The following RNF125 variants were observed in gnomAD, a reference collection of about 807,000 sequenced individuals.
RNF125 encodes ring finger protein 125.
A neutral mutation model predicts 26.0 loss-of-function variants in RNF125; 21 were observed. The ratio of observed to expected loss-of-function variants is 0.81; its 90% CI spans 0.57 to 1.16. The LOEUF is 1.16. Among genes scored for constraint, RNF125 ranks in the 50% most tolerant of loss-of-function variants. The probability of loss-of-function intolerance (pLI) is 0.00; values close to 1 mark genes in which losing one functional copy is unlikely to be tolerated. For missense variants in RNF125, 270 were observed against 299.4 expected (o/e 0.90, Z 0.72); for synonymous variants, 95 against 109.2 (o/e 0.87, Z 0.81).
intron 4 of RNF125, among the ~76,000 whole-genome samples, chr18:32,052,480 G>A (rs569900366): frequency 3.8e-4 from 46 of 121,912 alleles, no homozygotes; most frequent in African/African-American, 1.3e-3. Context: ...GTGACAGAGC[G>A]AGACTCCATC....
chr18:32,050,466 C>T (rs769642881), intron 4 of RNF125, among the ~76,000 whole-genome samples: 3 of 152,198 alleles, frequency 2.0e-5, no homozygotes, highest in Admixed American at 6.6e-5. Context: ...TACAGGTGTG[C>T]ACCTTCACAA....
chr18:32,051,615 T>TAAAA (rs71177836), intron 4 of RNF125, among the ~76,000 whole-genome samples: 1 of 78,976 alleles, frequency 1.3e-5, no homozygotes, highest in Non-Finnish European at 2.3e-5. Flanking sequence ...GACTCAGTCT[T>TAAAA]AAAAAAAAAA....
At chr18:32,044,220 T>C (rs2039246686) in intron 3 of RNF125, among the ~76,000 whole-genome samples, 1 of 152,158 alleles carries the variant, frequency 6.6e-6, no homozygotes, top group African/African-American at 2.4e-5. Context: ...TTGGCCAGGC[T>C]GGTCTTGAAC....
At chr18:32,048,995 C>T (rs1414423358) in intron 4 of RNF125, among the ~76,000 whole-genome samples, 1 of 152,230 alleles carries the variant, frequency 6.6e-6, no homozygotes, top group Non-Finnish European at 1.5e-5. Context: ...CAGGGTGCTG[C>T]TTTGGCTGGA....
chr18:32,087,918 C>T, the RNF125 span, among the ~76,000 whole-genome samples: 17 of 152,162 alleles, frequency 1.1e-4, no homozygotes, highest in Admixed American at 3.3e-4. Context: ...CGAAGATCCA[C>T]CTGTCTTGCT....
intron 4 of RNF125, among the ~76,000 whole-genome samples, chr18:32,061,812 A>G (rs2039437505): frequency 6.6e-6 from 1 of 152,234 alleles, no homozygotes; most frequent in African/African-American, 2.4e-5. Context: ...CTTAAGTGAT[A>G]ATAATGGCAG....
rs373273059 is a variant in RNF125, at chr18:32,046,000, C to T, written c.504+268C>T. On this transcript the variant is annotated intron_variant, in intron 4 of 5. Coordinates refer to ENST00000217740, the MANE Select transcript of RNF125 (RefSeq NM_017831.4). ...ATCAACTAAAATGATCCAAAATGCA[C>T]AGTTAAGATCTAAGTTTACCAGCTG... Among the ~76,000 whole-genome samples, 69 of 151,994 alleles carry T rather than the reference C, an allele frequency of 4.5e-4. No homozygotes were observed. In the South Asian group the frequency reaches 0.013, roughly 28 times the overall value.
intron 4 of RNF125, among the ~76,000 whole-genome samples, chr18:32,060,787 T>A (rs2039427217): frequency 6.6e-6 from 1 of 152,224 alleles, no homozygotes; most frequent in South Asian, 2.1e-4. Context: ...CCCATTGTTT[T>A]GCAATGTCGT....
Position 32,018,856 on chromosome 18 carries a change from G to T in RNF125, c.-8G>T. 6.4e-7 allele frequency: 1 copy of T among 1,561,466 alleles called. No individual in the cohort carries two copies. The stretch of plus-strand genomic sequence containing the variant: ...TGCTTCGCAGCTGTCTGGGCGAGAG[G>T]CACAGCGATGGGCTCCGTGCTGAGC... On this transcript the variant is annotated 5_prime_UTR_variant, in exon 1 of 6. Coordinates refer to ENST00000217740, the MANE Select transcript of RNF125 (RefSeq NM_017831.4).
chr18:32,082,593 C>T, the RNF125 span, among the ~76,000 whole-genome samples: 2 of 152,146 alleles, frequency 1.3e-5, no homozygotes, highest in African/African-American at 2.4e-5. Flanking sequence ...GGATATACAT[C>T]GCCCCCAGAG....
At chr18:32,075,556 G>A (rs564627002), downstream of RNF125, among the ~76,000 whole-genome samples, 1 of 152,094 alleles carries the variant, frequency 6.6e-6, no homozygotes, top group East Asian at 1.9e-4. Context: ...AGCTGGGCTT[G>A]GTGGTGCATG....
At chr18:32,048,644 C>G (rs1362003645) in intron 4 of RNF125, among the ~76,000 whole-genome samples, 3 of 152,126 alleles carry the variant, frequency 2.0e-5, no homozygotes, top group African/African-American at 7.2e-5. Flanking sequence ...GTGTGGGAAA[C>G]CCCTGTGGTC....
At chr18:32,051,202 C>T (rs1006686335) in intron 4 of RNF125, among the ~76,000 whole-genome samples, 3 of 152,108 alleles carry the variant, frequency 2.0e-5, no homozygotes, top group Non-Finnish European at 4.4e-5. Flanking sequence ...GTCTGTCTCT[C>T]CCTCTAATTT....
intron 4 of RNF125, among the ~76,000 whole-genome samples, chr18:32,057,777 G>T (rs897181737): frequency 1.3e-5 from 2 of 152,074 alleles, no homozygotes; most frequent in African/African-American, 4.8e-5. Context: ...CTTTAAGGCG[G>T]TTGTTCTCAA....
intron 4 of RNF125, among the ~76,000 whole-genome samples, chr18:32,059,849 G>A (rs1245996289): frequency 6.6e-6 from 1 of 151,806 alleles, no homozygotes; most frequent in Admixed American, 6.6e-5. Context: ...TATATCCTAA[G>A]GATTTAGAGG....
At chr18:32,073,886 A>T (rs566030927), downstream of RNF125, among the ~76,000 whole-genome samples, 1 of 152,218 alleles carries the variant, frequency 6.6e-6, no homozygotes, top group Admixed American at 6.5e-5. Context: ...AGGGACACTC[A>T]TGTCTGAGAT....
At chr18:32,086,368 T>TTC in the RNF125 span, among the ~76,000 whole-genome samples, 3 of 151,122 alleles carry the variant, frequency 2.0e-5, no homozygotes, top group African/African-American at 7.3e-5. Context: ...TTTTTTTTTT[T>TTC]TTTCTGAGAC....
chr18:32,078,555 G>A, the RNF125 span, among the ~76,000 whole-genome samples: 1 of 152,048 alleles, frequency 6.6e-6, no homozygotes, highest in Non-Finnish European at 1.5e-5. Flanking sequence ...CATGAGGACT[G>A]TATAAGCCCA....
Position 32,040,470 on chromosome 18 carries a change from A to G in RNF125, c.319-1709A>G, listed in dbSNP as rs535428673. Among the ~76,000 whole-genome samples, 60 of 151,766 alleles carry G rather than the reference A, an allele frequency of 4.0e-4. No individual in the cohort carries two copies. In the South Asian group the frequency reaches 0.012, roughly 32 times the overall value. ...TATCTTTAGTAGAGAGGGGGTTTCC[A>G]TATTGGTCAGGCTGGTCTCAAACTC... On this transcript the variant is annotated intron_variant, in intron 2 of 5. Coordinates refer to ENST00000217740, the MANE Select transcript of RNF125 (RefSeq NM_017831.4).
Sources: allele counts gnomAD v4.1 joint callset (sites outside exome capture counted in the v4.1 genomes callset), GRCh38; gene constraint gnomAD v4.1.1; transcripts MANE v1.5; gene names NCBI Gene and HGNC (gene_info 2026-07-23, HGNC 2026-07-21).